UBE2K: variants seen among roughly 807,000 people sequenced by gnomAD.
UBE2K encodes ubiquitin conjugating enzyme E2 K, also known as ubiquitin-conjugating enzyme E2 K.
A neutral mutation model predicts 30.0 loss-of-function variants in UBE2K; 6 were observed. The observed-to-expected ratio is 0.20, with a 90% CI of 0.11 to 0.39. The LOEUF (loss-of-function observed/expected upper bound fraction) is 0.39, where lower values mean the gene tolerates loss of function less well. Among genes scored for constraint, UBE2K ranks in the 10% least tolerant of loss-of-function variants. The probability of loss-of-function intolerance (pLI) is 1.00; values close to 1 mark genes in which losing one functional copy is unlikely to be tolerated. For missense variants in UBE2K, 61 were observed against 241.6 expected (o/e 0.25, Z 4.96); for synonymous variants, 86 against 83.7 (o/e 1.03, Z -0.15).
At chr4:39,713,286 A>ATTTTTTTTTTTTTTTTTTTT (rs56104487) in intron 1 of UBE2K, among the ~76,000 whole-genome samples, 10 of 83,568 alleles carry the variant, frequency 1.2e-4, no homozygotes, top group Admixed American at 1.8e-4. Flanking sequence ...TCTGTAGGAA[A>ATTTTTTTTTTTTTTTTTTTT]TTTTTTTTTT....
chr4:39,752,339 T>G (rs1461075989), intron 3 of UBE2K, among the ~76,000 whole-genome samples: 1 of 127,826 alleles, frequency 7.8e-6, no homozygotes, highest in Admixed American at 7.7e-5. Flanking sequence ...TTTTTTCTTT[T>G]TTTTTTTTTT....
chr4:39,705,342 C>T (rs1347082467), intron 1 of UBE2K, among the ~76,000 whole-genome samples: 3 of 150,404 alleles, frequency 2.0e-5, no homozygotes, highest in Non-Finnish European at 3.0e-5. Flanking sequence ...GTATTACAGG[C>T]GCACCCCACC....
chr4:39,741,270 C>CAA (rs760055110), intron 2 of UBE2K, among the ~76,000 whole-genome samples: 1 of 141,766 alleles, frequency 7.1e-6, no homozygotes, highest in African/African-American at 2.6e-5. Flanking sequence ...GACTGCATCT[C>CAA]AAAAAAAAAA....
At chr4:39,727,135 C>A (rs1055481344) in intron 1 of UBE2K, among the ~76,000 whole-genome samples, 2 of 152,138 alleles carry the variant, frequency 1.3e-5, no homozygotes, top group African/African-American at 4.8e-5. Flanking sequence ...TTACATTATT[C>A]TTCTTAATGG....
intron 1 of UBE2K, among the ~76,000 whole-genome samples, chr4:39,714,968 C>T (rs1163255116): frequency 6.6e-6 from 1 of 151,858 alleles, no homozygotes; most frequent in African/African-American, 2.4e-5. Context: ...TTTCCCATGC[C>T]TCAGCCCAGC....
chr4:39,753,561 G>C (rs921005326), intron 3 of UBE2K, among the ~76,000 whole-genome samples: 1 of 152,168 alleles, frequency 6.6e-6, no homozygotes, highest in South Asian at 2.1e-4. Context: ...AAACAAGGCA[G>C]AAATCACAGA....
chr4:39,770,537 C>T lies in UBE2K; in HGVS notation c.300-4297C>T, dbSNP rs551029914. 4.4e-6 allele frequency: 7 copies of T among 1,599,372 alleles called. No homozygotes were observed. In the South Asian group the frequency reaches 6.7e-5, roughly 15 times the overall value. Reference sequence around the variant, plus strand: ...GGCTGCCCCCCGCCCCCCGGGCAACCATGGCCGCCGCTGCTGCTTCCACCA... The same window carrying T: ...GGCTGCCCCCCGCCCCCCGGGCAACTATGGCCGCCGCTGCTGCTTCCACCA... On this transcript the variant is annotated intron_variant, in intron 4 of 6. Coordinates refer to ENST00000261427, the MANE Select transcript of UBE2K (RefSeq NM_005339.5).
At chr4:39,716,321 C>T (rs1394358894) in intron 1 of UBE2K, among the ~76,000 whole-genome samples, 6 of 152,150 alleles carry the variant, frequency 3.9e-5, no homozygotes, top group African/African-American at 9.7e-5. Flanking sequence ...TCACAGCTCA[C>T]GCCGCAGTCT....
intron 1 of UBE2K, among the ~76,000 whole-genome samples, chr4:39,727,968 A>G (rs1316345526): frequency 6.6e-6 from 1 of 152,090 alleles, no homozygotes; most frequent in South Asian, 2.1e-4. Context: ...TGTGTCTACT[A>G]AAAAATATGT....
At position 39,723,626 on chromosome 4, in the gene UBE2K, C is replaced by T. The variant is rs141362846; in HGVS notation, c.64-13794C>T. 3.1e-3 allele frequency among the ~76,000 whole-genome samples: 479 copies of T among 152,162 alleles called. 3 individuals are homozygous for T. Among genetic ancestry groups the T allele is most frequent in the African/African-American group, 0.011 (455 of 41,504 alleles). The stretch of plus-strand genomic sequence containing the variant: ...CTCCTGATCCGCCTGCCTCGGCCTC[C>T]GAAAGTGCTAGGATTACAGGCGTGA... On this transcript the variant is annotated intron_variant, in intron 1 of 6. Transcript: ENST00000261427.
At chr4:39,706,394 C>T (rs1373697972) in intron 1 of UBE2K, among the ~76,000 whole-genome samples, 2 of 150,338 alleles carry the variant, frequency 1.3e-5, no homozygotes, top group African/African-American at 4.9e-5. Flanking sequence ...AAACTCGCGG[C>T]CTCAGATGAT....
At chr4:39,771,525 C>A (rs1712844022) in intron 4 of UBE2K, among the ~76,000 whole-genome samples, 1 of 152,098 alleles carries the variant, frequency 6.6e-6, no homozygotes. Context: ...GCCGGAAGCG[C>A]CCCCCACACA....
At chr4:39,714,550 A>ATATATATATATATATTTTTTTT in intron 1 of UBE2K, 3 of 17,852 alleles carry the variant, frequency 1.7e-4, no homozygotes, top group African/African-American at 2.5e-4. Flanking sequence ...ATATATATAT[A>ATATATATATATATATTTTTTTT]TTTTTTTTTT....
chr4:39,752,027 T>C (rs1282133346), intron 3 of UBE2K, among the ~76,000 whole-genome samples: 1 of 152,226 alleles, frequency 6.6e-6, no homozygotes, highest in East Asian at 1.9e-4. Flanking sequence ...TATCTTCAGC[T>C]CACTTGACTG....
chr4:39,760,195 G>GAAAAAAAAAAAAAAAAAAAAAAAAAAGAA (rs71194914), intron 4 of UBE2K, among the ~76,000 whole-genome samples: 1 of 102,584 alleles, frequency 9.7e-6, no homozygotes, highest in Non-Finnish European at 1.8e-5. Flanking sequence ...AAAAAAAACA[G>GAAAAAAAAAAAAAAAAAAAAAAAAAAGAA]AAAAAAAAAA....
chr4:39,752,155 C>T (rs1721290016), intron 3 of UBE2K, among the ~76,000 whole-genome samples: 2 of 152,018 alleles, frequency 1.3e-5, no homozygotes, highest in Non-Finnish European at 2.9e-5. Context: ...GTTTTTGAGA[C>T]GGAGTCTCGC....
rs1473607108 is a variant in UBE2K at position 39,705,925 on chromosome 4, C to T, written c.63+7535C>T. Among the ~76,000 whole-genome samples, 3 of 147,902 alleles carry T rather than the reference C, an allele frequency of 2.0e-5. 1 individual carries two copies. The highest frequency in any genetic ancestry group is 7.4e-5 in the African/African-American group (3 of 40,424). The stretch of plus-strand genomic sequence containing the variant: ...AGTGCAGTGGCGCGATCTCAGCTCA[C>T]TGCAACCTCCGCCTCCCAGGTTCAA... On this transcript the variant is annotated intron_variant, in intron 1 of 6. Coordinates refer to ENST00000261427, the MANE Select transcript of UBE2K (RefSeq NM_005339.5).
chr4:39,778,629 A>C lies in UBE2K; in HGVS notation c.*195A>C. On this transcript the variant is annotated 3_prime_UTR_variant, in exon 7 of 7. Coordinates refer to ENST00000261427, the MANE Select transcript of UBE2K (RefSeq NM_005339.5). The stretch of plus-strand genomic sequence containing the variant: ...GCTAATTAAACGTCTGTGTAAATTT[A>C]AAAAGGGGAAATACTTTAATTTTTT... 1 of 440,432 alleles carries C rather than the reference A, an allele frequency of 2.3e-6. No homozygotes were observed. The highest frequency in any genetic ancestry group is 4.6e-5 in the South Asian group (1 of 21,840). 27.3% of individuals were successfully genotyped at this position (440,432 alleles called of 1,614,324 possible).
chr4:39,778,031 G>A (rs950367875), intron 6 of UBE2K, among the ~76,000 whole-genome samples: 8 of 146,120 alleles, frequency 5.5e-5, no homozygotes, highest in African/African-American at 1.5e-4. Flanking sequence ...CCAGGAGGTC[G>A]AGGCTGCAGT....
Sources: allele counts gnomAD v4.1 joint callset (sites outside exome capture counted in the v4.1 genomes callset), GRCh38; gene constraint gnomAD v4.1.1; transcripts MANE v1.5; gene names NCBI Gene and HGNC (gene_info 2026-07-23, HGNC 2026-07-21).